SORCS2: variants seen among roughly 807,000 people sequenced by gnomAD.
SORCS2 encodes VPS10 domain-containing receptor SorCS2.
SORCS2 carries 100 observed loss-of-function variants against 141.6 expected under a neutral mutation model. The ratio of observed to expected loss-of-function variants is 0.71; its 90% CI spans 0.60 to 0.83. SORCS2 has a LOEUF of 0.83. SORCS2 is among the 40% of genes least tolerant of loss of function. The pLI is 0.00. For synonymous variants in SORCS2, 789 were observed against 676.9 expected, an observed-to-expected ratio of 1.17 and a Z score of -2.57; for missense variants, 1,646 against 1,560.2, an observed-to-expected ratio of 1.05 and a Z score of -0.93.
At chr4:7,469,923 G>A (rs1225935118) in intron 2 of SORCS2, among the ~76,000 whole-genome samples, 2 of 152,162 alleles carry the variant, frequency 1.3e-5, no homozygotes, top group Non-Finnish European at 2.9e-5. Flanking sequence ...GAAGACAATT[G>A]TTATCAAACA....
At chr4:7,433,444 G>A (rs749506695) in intron 2 of SORCS2, 4 of 1,542,152 alleles carry the variant, frequency 2.6e-6, no homozygotes, top group Non-Finnish European at 8.7e-7. Flanking sequence ...ACACTGGTCG[G>A]TGCCCAGCAG....
intron 3 of SORCS2, among the ~76,000 whole-genome samples, chr4:7,571,957 G>A (rs79742715): frequency 0.03 from 4,590 of 152,266 alleles, 107 homozygotes; most frequent in Non-Finnish European, 0.038. Flanking sequence ...CCTACCAGCT[G>A]CCTGTCCTCC....
rs555863939 is a variant in SORCS2 at position 7,238,292 on chromosome 4, G to C, written c.480+45166G>C. 6.6e-5 allele frequency among the ~76,000 whole-genome samples: 10 copies of C among 152,038 alleles called. No individual in the cohort carries two copies. In the East Asian group the frequency reaches 1.5e-3, roughly 23 times the overall value. On this transcript the variant is annotated intron_variant, in intron 1 of 26. Transcript: ENST00000507866. ...AGGCTGGGGAGGTAGAGGGAGTCTG[G>C]GGGGGGTTGCTGGTACTGCATACAG...
chr4:7,496,457 C>CGTCCCCA, intron 2 of SORCS2, among the ~76,000 whole-genome samples: 1 of 77,338 alleles, frequency 1.3e-5, no homozygotes, highest in South Asian at 7.6e-4. Context: ...ACCCGTTCCC[C>CGTCCCCA]GTCCCCCGTC....
At chr4:7,366,349 C>T (rs1577452056) in intron 1 of SORCS2, among the ~76,000 whole-genome samples, 1 of 152,184 alleles carries the variant, frequency 6.6e-6, no homozygotes, top group Middle Eastern at 3.4e-3. Context: ...GCTGGAGCTG[C>T]AGCAGGGTCG....
intron 3 of SORCS2, among the ~76,000 whole-genome samples, chr4:7,614,705 C>T (rs573990315): frequency 6.6e-6 from 1 of 151,374 alleles, no homozygotes; most frequent in East Asian, 2.0e-4. Context: ...CCTATCCACC[C>T]ATCCACCACC....
intron 2 of SORCS2, among the ~76,000 whole-genome samples, chr4:7,408,152 C>CAGAA (rs1725088727): frequency 6.6e-6 from 1 of 152,084 alleles, no homozygotes; most frequent in Admixed American, 6.6e-5. Context: ...GTCCATGTCC[C>CAGAA]TAATTTTACC....
intron 2 of SORCS2, among the ~76,000 whole-genome samples, chr4:7,460,962 T>C (rs1488370708): frequency 9.5e-5 from 10 of 105,648 alleles, no homozygotes; most frequent in African/African-American, 3.6e-4. Context: ...ATTTCATTTC[T>C]CCCCCCTCTC....
intron 5 of SORCS2, among the ~76,000 whole-genome samples, chr4:7,656,111 C>T (rs1318392621): frequency 1.3e-5 from 2 of 152,336 alleles, no homozygotes; most frequent in African/African-American, 2.4e-5. Flanking sequence ...ACAGCATTTC[C>T]AAGGAGCTCT....
At position 7,693,820 on chromosome 4, in the gene SORCS2, C is replaced by T. The variant is rs116837985; in HGVS notation, c.1592-3378C>T. 7.5e-3 allele frequency among the ~76,000 whole-genome samples: 1,140 copies of T among 152,350 alleles called. 15 individuals carry two copies. The highest frequency in any genetic ancestry group is 0.026 in the African/African-American group (1,090 of 41,584). On this transcript the variant is annotated intron_variant, in intron 11 of 26. Transcript: ENST00000507866. ...TTTTGGCGACTCGGCCAGTCAAGGG[C>T]CCATCAATGTCAGGACATGTCTAGA...
At chr4:7,249,157 G>T (rs1713316719) in intron 1 of SORCS2, among the ~76,000 whole-genome samples, 1 of 152,202 alleles carries the variant, frequency 6.6e-6, no homozygotes, top group Non-Finnish European at 1.5e-5. Flanking sequence ...GCTTGCTTGT[G>T]TTCAGATGGT....
intron 1 of SORCS2, among the ~76,000 whole-genome samples, chr4:7,313,071 A>G (rs1215990732): frequency 6.6e-6 from 1 of 152,232 alleles, no homozygotes; most frequent in Non-Finnish European, 1.5e-5. Flanking sequence ...CAGCCTGTGT[A>G]TATGGATTCC....
At chr4:7,464,143 C>T (rs1264290764) in intron 2 of SORCS2, among the ~76,000 whole-genome samples, 1 of 152,182 alleles carries the variant, frequency 6.6e-6, no homozygotes, top group Non-Finnish European at 1.5e-5. Context: ...GAACTTTCCA[C>T]TGTAGAGGAA....
chr4:7,646,943 T>C lies in SORCS2; in HGVS notation c.814-7191T>C, dbSNP rs73074560. Among the ~76,000 whole-genome samples the C allele has an allele frequency of 7.9e-3, 1,200 of 152,192 alleles. 19 individuals are homozygous for C. The highest frequency in any genetic ancestry group is 0.027 in the African/African-American group (1,123 of 41,520). On this transcript the variant is annotated intron_variant, in intron 4 of 26. Transcript: ENST00000507866. ...TGCATCCTGTTGGTGGAGTGTGACT[T>C]ATGCTACACCAGAGGGGGTTTGGTG...
At chr4:7,486,108 C>G (rs573991952) in intron 2 of SORCS2, among the ~76,000 whole-genome samples, 2 of 152,276 alleles carry the variant, frequency 1.3e-5, no homozygotes, top group East Asian at 3.9e-4. Context: ...CCCTTTGTCT[C>G]TGTTGGTTGC....
chr4:7,438,554 T>A (rs1727452868), intron 2 of SORCS2, among the ~76,000 whole-genome samples: 1 of 152,216 alleles, frequency 6.6e-6, no homozygotes. Context: ...CTTCCTTCTC[T>A]ATTGATTAGT....
rs200361925 is a variant in SORCS2 at position 7,724,735 on chromosome 4, GGTA to G, written c.2612-413_2612-411del. On this transcript the variant is annotated intron_variant, in intron 19 of 26. Transcript: ENST00000507866. The stretch of plus-strand genomic sequence containing the variant: ...GATAGTATTGGTGGGAATGGATGGT[GGTA>G]GTAGTGGTGATGGTGGTGGTGTTGG... 1.4e-4 allele frequency among the ~76,000 whole-genome samples: 19 copies of G among 139,142 alleles called. 2 individuals carry two copies. Among genetic ancestry groups the G allele is most frequent in the East Asian group, 6.4e-4 (3 of 4,700 alleles). 91.3% of individuals were successfully genotyped at this position (139,142 alleles called of 152,430 possible).
intron 1 of SORCS2, among the ~76,000 whole-genome samples, chr4:7,220,793 T>C (rs1329043248): frequency 6.6e-6 from 1 of 152,166 alleles, no homozygotes; most frequent in African/African-American, 2.4e-5. Context: ...AGGCCAAGCT[T>C]GGTCACCGAG....
intron 2 of SORCS2, among the ~76,000 whole-genome samples, chr4:7,449,445 C>A (rs1417589038): frequency 2.2e-5 from 3 of 134,256 alleles, no homozygotes; most frequent in South Asian, 3.0e-4. Context: ...GGAAACAAAC[C>A]CTTGCTTTTC....
Sources: allele counts gnomAD v4.1 joint callset (sites outside exome capture counted in the v4.1 genomes callset), GRCh38; gene constraint gnomAD v4.1.1; transcripts MANE v1.5; gene names NCBI Gene and HGNC (gene_info 2026-07-23, HGNC 2026-07-21).